Variants in ARFGEF2 observed in about 807,000 individuals in gnomAD.
ARFGEF2 encodes ARF guanine nucleotide exchange factor 2, also known as brefeldin A-inhibited guanine nucleotide-exchange protein 2.
ARFGEF2 carries 74 observed loss-of-function variants against 219.9 expected under a neutral mutation model. The ratio of observed to expected loss-of-function variants is 0.34; its 90% CI spans 0.28 to 0.41. The LOEUF (loss-of-function observed/expected upper bound fraction) is 0.41. Ranked by LOEUF, ARFGEF2 falls within the 10% of genes least tolerant of loss-of-function variation. ARFGEF2 has a pLI of 1.00. For missense variants in ARFGEF2, 1,743 were observed against 2,218.3 expected, an observed-to-expected ratio of 0.79 and a Z score of 4.30; for synonymous variants, 733 against 799.2, an observed-to-expected ratio of 0.92 and a Z score of 1.40.
At chr20:48,974,082 C>G (rs550371991) in intron 12 of ARFGEF2, among the ~76,000 whole-genome samples, 1 of 146,626 alleles carries the variant, frequency 6.8e-6, no homozygotes, top group Non-Finnish European at 1.5e-5. Context: ...TTTTCAGTCA[C>G]TGGTTGAGAC....
intron 35 of ARFGEF2, among the ~76,000 whole-genome samples, chr20:49,023,441 A>G (rs374933082): frequency 6.6e-6 from 1 of 152,100 alleles, no homozygotes; most frequent in Non-Finnish European, 1.5e-5. Context: ...GTTTATGAGC[A>G]TACCACTGCT....
chr20:48,967,479 T>G (rs1285172726), intron 8 of ARFGEF2, among the ~76,000 whole-genome samples: 1 of 152,182 alleles, frequency 6.6e-6, no homozygotes, highest in East Asian at 1.9e-4. Flanking sequence ...GAGTTGGAAG[T>G]TTTAGCTGAG....
At chr20:48,975,776 G>A (rs1185027629) in intron 13 of ARFGEF2, among the ~76,000 whole-genome samples, 1 of 132,900 alleles carries the variant, frequency 7.5e-6, no homozygotes, top group African/African-American at 3.0e-5. Context: ...ACTCCAGCCA[G>A]GGTGACAGTG....
intron 9 of ARFGEF2, 37 bp downstream of exon 9, chr20:48,969,314 A>G (rs1302358177): frequency 5.6e-6 from 9 of 1,613,768 alleles, no homozygotes; most frequent in African/African-American, 2.7e-5. Flanking sequence ...CTTCAGTCCA[A>G]TGATCCAGCA....
intron 1 of ARFGEF2, among the ~76,000 whole-genome samples, chr20:48,924,907 G>A (rs1323125886): frequency 2.6e-5 from 4 of 152,194 alleles, no homozygotes; most frequent in Admixed American, 6.5e-5. Context: ...AACTTGGCAT[G>A]TAGTAGGTGC....
Position 48,988,394 on chromosome 20 carries a change from G to C in ARFGEF2, c.2361+6G>C. On this transcript the variant is annotated splice_donor_region_variant and intron_variant, in intron 17 of 38. Transcript: ENST00000371917. ...CAGACTTGCACAGTCCTCAGGTAAAGCACTTTAATGATTTACATGTTGTAT... is the reference window on the plus strand; with the variant it reads ...CAGACTTGCACAGTCCTCAGGTAAACCACTTTAATGATTTACATGTTGTAT... 4 of 1,612,540 alleles carry C rather than the reference G, an allele frequency of 2.5e-6. No individual in the cohort carries two copies. Among genetic ancestry groups the C allele is most frequent in the African/African-American group, 1.3e-5 (1 of 75,012 alleles).
In ARFGEF2 at chr20:48,941,235, C is replaced by T; in HGVS notation, c.152+6C>T. On this transcript the variant is annotated splice_donor_region_variant and intron_variant, in intron 2 of 38. Coordinates refer to ENST00000371917, the MANE Select transcript of ARFGEF2 (RefSeq NM_006420.3). Reference sequence around the variant, plus strand: ...GCAGAAATAGAAAAGCAGAGGTAAGCTATAGCACTACCTCCTTGCTGAGAT... The same window carrying T: ...GCAGAAATAGAAAAGCAGAGGTAAGTTATAGCACTACCTCCTTGCTGAGAT... 1 of 1,613,070 alleles carries T rather than the reference C, an allele frequency of 6.2e-7. No individual in the cohort carries two copies.
At chr20:48,962,194 A>T (rs1290601968) in intron 6 of ARFGEF2, among the ~76,000 whole-genome samples, 3 of 152,208 alleles carry the variant, frequency 2.0e-5, no homozygotes, top group African/African-American at 4.8e-5. Context: ...TAATAAATAA[A>T]AAATAAATAA....
chr20:48,968,860 C>T (rs1378256365), intron 8 of ARFGEF2, among the ~76,000 whole-genome samples: 2 of 152,162 alleles, frequency 1.3e-5, no homozygotes, highest in African/African-American at 4.8e-5. Context: ...ATATCCTTCC[C>T]TCCCCCACAT....
At chr20:49,006,103 G>A (rs532585302) in intron 26 of ARFGEF2, among the ~76,000 whole-genome samples, 2 of 152,164 alleles carry the variant, frequency 1.3e-5, no homozygotes, top group South Asian at 4.2e-4. Flanking sequence ...AGACCAGCCT[G>A]GCCAACATGG....
rs869105434 is a variant in ARFGEF2 at position 49,031,220 on chromosome 20, C to CTTT, written c.5064-802_5064-800dup. ...CTCACAACAACCCCTTGAGTTTGGA[C>CTTT]TTTTTTTTTTTTTTTTTTTTTTTTT... On this transcript the variant is annotated intron_variant, in intron 37 of 38. Transcript: ENST00000371917. Among the ~76,000 whole-genome samples the CTTT allele has an allele frequency of 2.9e-4, 17 of 59,412 alleles. 1 individual carries two copies. Among genetic ancestry groups the CTTT allele is most frequent in the South Asian group, 2.4e-3 (3 of 1,260 alleles). The allele number at this position is 59,412 out of a possible 152,430, so 39.0% of individuals were successfully genotyped here.
At chr20:48,995,230 C>T (rs1183992545) in intron 22 of ARFGEF2, among the ~76,000 whole-genome samples, 2 of 152,210 alleles carry the variant, frequency 1.3e-5, no homozygotes, top group Non-Finnish European at 2.9e-5. Flanking sequence ...CAGCATCATA[C>T]TGCAAAGGAG....
At chr20:49,006,111 T>G (rs1461802357) in intron 26 of ARFGEF2, among the ~76,000 whole-genome samples, 1 of 151,788 alleles carries the variant, frequency 6.6e-6, no homozygotes. Flanking sequence ...CTGGCCAACA[T>G]GGTGAAACCC....
At chr20:48,985,261 G>T in intron 15 of ARFGEF2, 147 bp from the exon 16 acceptor site, 1 of 824,856 alleles carries the variant, frequency 1.2e-6, no homozygotes. Context: ...GGGTGGGCAG[G>T]TCAGGGAGTT....
chr20:49,025,560 A>G lies in ARFGEF2; in HGVS notation c.4924+79A>G, dbSNP rs183929834. The G allele has an allele frequency of 1.0e-4, 158 of 1,519,532 alleles. No individual in the cohort carries two copies. The African/African-American group carries it at 1.9e-3, about 19-fold the overall frequency. 94.1% of individuals were successfully genotyped at this position (1,519,532 alleles called of 1,614,324 possible). The stretch of plus-strand genomic sequence containing the variant: ...CATTAAAGTGCTTGGAAAATGCCCA[A>G]AATTTTAAACATAGCTAGAATAACT... On this transcript the variant is annotated intron_variant, in intron 36 of 38. Transcript: ENST00000371917.
Position 48,952,750 on chromosome 20 carries a change from G to T in ARFGEF2, c.469G>T (p.Gly157Cys). 6.2e-7 allele frequency: 1 copy of T among 1,614,160 alleles called. No individual in the cohort carries two copies. The highest frequency in any genetic ancestry group is 8.5e-7 in the Non-Finnish European group (1 of 1,180,028). The change falls in exon 5 of 39, where the codon GGT (glycine) becomes TGT (cysteine). Residue 157 changes from glycine to cysteine, a missense_variant. Gly to Cys is a radical substitution (Grantham distance 159). Coordinates refer to ENST00000371917, the MANE Select transcript of ARFGEF2 (RefSeq NM_006420.3). ...VTSPHIEIHE[G>C]TILQTVRTCY... ...TTCCCCACACATTGAAATTCATGAG[G>T]GTACTATCCTGCAGACAGTGAGAAC...
intron 6 of ARFGEF2, among the ~76,000 whole-genome samples, chr20:48,957,995 G>A (rs1335649323): frequency 6.6e-6 from 1 of 152,126 alleles, no homozygotes; most frequent in African/African-American, 2.4e-5. Context: ...ATGCTGATGT[G>A]AAATTTTGTT....
intron 3 of ARFGEF2, among the ~76,000 whole-genome samples, chr20:48,949,239 A>G (rs2123340947): frequency 6.6e-6 from 1 of 152,320 alleles, no homozygotes; most frequent in South Asian, 2.1e-4. Flanking sequence ...AAAGTGCGAA[A>G]GTCGTAATCC....
chr20:48,942,768 C>A (rs2091001715), intron 3 of ARFGEF2, among the ~76,000 whole-genome samples: 2 of 152,170 alleles, frequency 1.3e-5, no homozygotes, highest in South Asian at 4.2e-4. Context: ...ACAGTTGAAT[C>A]TGTTGTTTTT....
Sources: gnomAD v4.1 joint callset for allele counts (sites outside exome capture counted in the v4.1 genomes callset) on GRCh38, gnomAD v4.1.1 for gene constraint, MANE v1.5 for transcripts, NCBI Gene and HGNC (gene_info 2026-07-23, HGNC 2026-07-21) for gene names.